ADGRL2: variants seen among roughly 807,000 people sequenced by gnomAD.
ADGRL2 encodes the protein adhesion G protein-coupled receptor L2.
In ADGRL2, 44 loss-of-function variants were observed where a neutral mutation model predicts 157.4. The ratio of observed to expected loss-of-function variants is 0.28; its 90% CI spans 0.22 to 0.36. ADGRL2 has a LOEUF of 0.36. Among genes scored for constraint, ADGRL2 ranks in the 10% least tolerant of loss-of-function variants. The pLI is 1.00. For synonymous variants in ADGRL2, 585 were observed against 624.7 expected (o/e 0.94, Z 0.95); for missense variants, 1,510 against 1,768.9 (o/e 0.85, Z 2.63).
Position 81,939,836 on chromosome 1 carries a change from C to T in ADGRL2, c.398-2198C>T, listed in dbSNP as rs114960558. On this transcript the variant is annotated intron_variant, in intron 4 of 23. Transcript: ENST00000686636. ...CACAGATGTCTGTCCTTTTGATTTT[C>T]ATAAATATAATAACGTAGGGACTTT... 5.5e-3 allele frequency among the ~76,000 whole-genome samples: 828 copies of T among 151,412 alleles called. 11 individuals are homozygous for T. The highest frequency in any genetic ancestry group is 0.019 in the African/African-American group (779 of 41,462).
At chr1:81,989,652 A>G (rs1341420947) in intron 23 of ADGRL2, 2 of 1,609,234 alleles carry the variant, frequency 1.2e-6, no homozygotes, top group Non-Finnish European at 1.7e-6. Flanking sequence ...TCTTTTATAT[A>G]TCAGCTACTC....
At chr1:81,720,179 C>CTTTTTTTTTTTTTTTTTTTTT (rs370916970) in intron 1 of ADGRL2, among the ~76,000 whole-genome samples, 1 of 138,888 alleles carries the variant, frequency 7.2e-6, no homozygotes, top group Non-Finnish European at 1.6e-5. Flanking sequence ...TCCTTTTTTT[C>CTTTTTTTTTTTTTTTTTTTTT]TTTTCTTTTT....
intron 1 of ADGRL2, among the ~76,000 whole-genome samples, chr1:81,836,299 T>C (rs2092277314): frequency 6.6e-6 from 1 of 152,082 alleles, no homozygotes; most frequent in Admixed American, 6.6e-5. Flanking sequence ...AAGATGTTCC[T>C]TTAACAGAAA....
chr1:81,521,169 G>C (rs2079306004), intron 2 of ADGRL2, among the ~76,000 whole-genome samples: 3 of 152,058 alleles, frequency 2.0e-5, no homozygotes, highest in African/African-American at 7.2e-5. Flanking sequence ...ACATGCAGAG[G>C]GAAACACATG....
intron 2 of ADGRL2, among the ~76,000 whole-genome samples, chr1:81,867,839 C>A (rs147337198): frequency 4.1e-4 from 62 of 152,076 alleles, no homozygotes; most frequent in Non-Finnish European, 7.1e-4. Flanking sequence ...ATTTCGTTTT[C>A]TGTTCTATTT....
intron 2 of ADGRL2, among the ~76,000 whole-genome samples, chr1:81,521,672 T>G (rs2079318069): frequency 6.6e-6 from 1 of 152,222 alleles, no homozygotes; most frequent in Non-Finnish European, 1.5e-5. Context: ...CTTCATAATT[T>G]TTGGTTTTTC....
At chr1:81,661,081 A>G (rs781325834) in intron 3 of ADGRL2, among the ~76,000 whole-genome samples, 3 of 152,204 alleles carry the variant, frequency 2.0e-5, no homozygotes, top group Non-Finnish European at 4.4e-5. Context: ...CTATGCTAAG[A>G]CTTTTTACAC....
At chr1:81,780,861 C>T (rs2086783975) in intron 2 of ADGRL2, among the ~76,000 whole-genome samples, 1 of 152,060 alleles carries the variant, frequency 6.6e-6, no homozygotes, top group South Asian at 2.1e-4. Flanking sequence ...GCTATGTCCC[C>T]CCACAGAATA....
At chr1:81,606,772 GTGCGCA>G (rs1421658322) in intron 3 of ADGRL2, among the ~76,000 whole-genome samples, 81 of 140,152 alleles carry the variant, frequency 5.8e-4, no homozygotes, top group Admixed American at 9.3e-4. Context: ...GTGTGTGTGT[GTGCGCA>G]CGCGTGTGTG....
In ADGRL2 at chr1:81,458,772, G is replaced by A. The variant is rs192135862; in HGVS notation, c.-248+13683G>A. ...CCAAGGAGTGTTACAGCTTTTGCTC[G>A]GGGAGTCCTGAGGTCTGAGCCCCCA... is the stretch of plus-strand genomic sequence containing the variant. On this transcript the variant is annotated intron_variant, in intron 2 of 24. Coordinates refer to the ADGRL2 transcript ENST00000370721. Among the ~76,000 whole-genome samples, 9 of 152,264 alleles carry A rather than the reference G, an allele frequency of 5.9e-5. No homozygotes were observed. The East Asian group carries it at 7.8e-4, about 13-fold the overall frequency.
intron 2 of ADGRL2, among the ~76,000 whole-genome samples, chr1:81,540,960 T>C (rs1252405469): frequency 1.3e-5 from 2 of 152,186 alleles, no homozygotes; most frequent in Admixed American, 1.3e-4. Flanking sequence ...TAAAGCTTAA[T>C]TTTATACCTA....
At chr1:81,659,435 G>C (rs2082606780) in intron 3 of ADGRL2, among the ~76,000 whole-genome samples, 1 of 152,142 alleles carries the variant, frequency 6.6e-6, no homozygotes, top group African/African-American at 2.4e-5. Context: ...CAATGGGAAT[G>C]AAAGGATAAA....
chr1:81,989,985 C>T (rs1444658293), intron 23 of ADGRL2: 2 of 984,018 alleles, frequency 2.0e-6, no homozygotes, highest in African/African-American at 3.5e-5. Context: ...AGGACAAATT[C>T]TGTTAATTTT....
chr1:81,539,369 T>C (rs2079825916), intron 2 of ADGRL2, among the ~76,000 whole-genome samples: 1 of 152,166 alleles, frequency 6.6e-6, no homozygotes, highest in Non-Finnish European at 1.5e-5. Context: ...TTGACAGCTC[T>C]AGAGCTACAA....
At chr1:81,511,745 A>G (rs1465674079) in intron 2 of ADGRL2, among the ~76,000 whole-genome samples, 7 of 152,060 alleles carry the variant, frequency 4.6e-5, no homozygotes, top group Admixed American at 4.6e-4. Context: ...TCATGTGAAT[A>G]TTGGACTTTG....
At chr1:81,780,270 C>T (rs1308854850) in intron 2 of ADGRL2, among the ~76,000 whole-genome samples, 1 of 152,052 alleles carries the variant, frequency 6.6e-6, no homozygotes, top group Non-Finnish European at 1.5e-5. Flanking sequence ...AAATTCTATG[C>T]CCAGAAAACC....
chr1:81,594,998 A>T (rs1028149364), intron 3 of ADGRL2, among the ~76,000 whole-genome samples: 2 of 152,176 alleles, frequency 1.3e-5, no homozygotes, highest in East Asian at 3.8e-4. Context: ...CACTGACTAG[A>T]TGTCAGGAAC....
intron 2 of ADGRL2, among the ~76,000 whole-genome samples, chr1:81,462,607 C>A (rs1189478217): frequency 5.3e-5 from 8 of 152,124 alleles, no homozygotes; most frequent in Admixed American, 5.2e-4. Context: ...GTAGTGTGGT[C>A]CGATTTTTAC....
intron 3 of ADGRL2, among the ~76,000 whole-genome samples, chr1:81,654,379 C>T (rs1297385918): frequency 1.3e-5 from 2 of 152,166 alleles, no homozygotes; most frequent in Non-Finnish European, 2.9e-5. Context: ...GCTTTTACTT[C>T]TGTGCTTCAG....
Sources: gnomAD v4.1 joint callset for allele counts (sites outside exome capture counted in the v4.1 genomes callset) on GRCh38, gnomAD v4.1.1 for gene constraint, MANE v1.5 for transcripts, NCBI Gene and HGNC (gene_info 2026-07-23, HGNC 2026-07-21) for gene names.